Variants in WDFY4 observed in about 807,000 individuals in gnomAD.
WDFY4 encodes the protein WDFY family member 4, also known as WD repeat- and FYVE domain-containing protein 4.
In WDFY4, 169 loss-of-function variants were observed where a neutral mutation model predicts 351.9. The observed-to-expected ratio is 0.48, with a 90% CI of 0.42 to 0.55. The LOEUF (loss-of-function observed/expected upper bound fraction) is 0.55. Ranked by LOEUF, WDFY4 falls within the 20% of genes least tolerant of loss-of-function variation. WDFY4 has a pLI of 0.00. For missense variants in WDFY4, 3,803 were observed against 3,935.6 expected, an observed-to-expected ratio of 0.97 and a Z score of 0.90; for synonymous variants, 1,622 against 1,574.6, an observed-to-expected ratio of 1.03 and a Z score of -0.71.
chr10:48,917,543 T>A (rs1838663708), intron 47 of WDFY4, among the ~76,000 whole-genome samples: 1 of 152,218 alleles, frequency 6.6e-6, no homozygotes, highest in African/African-American at 2.4e-5. Flanking sequence ...TAGGAATGAC[T>A]GCAGGTTTCT....
chr10:48,803,330 C>T lies in WDFY4; in HGVS notation c.4455C>T (p.Ser1485=), dbSNP rs1565216537. 3 of 1,551,896 alleles carry T rather than the reference C, an allele frequency of 1.9e-6. No individual in the cohort carries two copies. The highest frequency in any genetic ancestry group is 2.4e-5 in the East Asian group (1 of 40,926). Residue 1485 remains serine (S), a synonymous_variant, in exon 25 of 62, where the codon TCC becomes TCT. Transcript: ENST00000325239. ...ACAATCTGGAGCTCAGCCTCTTTTC[C>T]CATCTTTTGGAAATCCTTCAATCAC... is the stretch of plus-strand genomic sequence containing the variant. ...TADNLELSLF[S]HLLEILQSPR...
At chr10:48,806,133 G>A (rs1452472427) in intron 27 of WDFY4, 38 bp downstream of exon 27, 1 of 1,544,342 alleles carries the variant, frequency 6.5e-7, no homozygotes, top group Admixed American at 2.0e-5. Flanking sequence ...CAGTAGGACG[G>A]CCCTCACGGA....
At chr10:48,883,712 T>G (rs944035706) in intron 43 of WDFY4, among the ~76,000 whole-genome samples, 7 of 152,160 alleles carry the variant, frequency 4.6e-5, no homozygotes, top group Non-Finnish European at 7.3e-5. Flanking sequence ...TTTTCAGGCA[T>G]CTGGGTGGCA....
intron 47 of WDFY4, among the ~76,000 whole-genome samples, chr10:48,926,557 T>C (rs1034120307): frequency 6.6e-6 from 1 of 152,202 alleles, no homozygotes; most frequent in Non-Finnish European, 1.5e-5. Context: ...TTGGAGGAAC[T>C]GACCACAGGC....
At chr10:48,703,316 A>C (rs879528845) in intron 1 of WDFY4, among the ~76,000 whole-genome samples, 3 of 152,222 alleles carry the variant, frequency 2.0e-5, no homozygotes, top group Non-Finnish European at 4.4e-5. Flanking sequence ...ATTTACGGCC[A>C]TGCATGCGAA....
chr10:48,726,452 G>T (rs1465453771), intron 6 of WDFY4, among the ~76,000 whole-genome samples: 1 of 152,230 alleles, frequency 6.6e-6, no homozygotes, highest in Non-Finnish European at 1.5e-5. Flanking sequence ...ACTAGTAGAA[G>T]AATTTTTCAA....
intron 44 of WDFY4, among the ~76,000 whole-genome samples, chr10:48,893,169 C>T (rs1444801961): frequency 1.3e-5 from 2 of 152,326 alleles, no homozygotes; most frequent in East Asian, 3.9e-4. Context: ...GATTCAGGCA[C>T]CTGGTCATCT....
chr10:48,753,590 A>G (rs2065247109), intron 12 of WDFY4, among the ~76,000 whole-genome samples: 1 of 152,174 alleles, frequency 6.6e-6, no homozygotes, highest in Non-Finnish European at 1.5e-5. Context: ...ATAGCTATTC[A>G]ACTGCTCTGG....
At chr10:48,932,670 G>T (rs563620980) in intron 47 of WDFY4, 1 of 150,210 alleles carries the variant, frequency 6.7e-6, no homozygotes, top group Non-Finnish European at 1.5e-5. Context: ...GGGAGAGAGA[G>T]AGAAAAAAAA....
At chr10:48,942,783 A>T (rs1840846489) in intron 48 of WDFY4, among the ~76,000 whole-genome samples, 1 of 152,208 alleles carries the variant, frequency 6.6e-6, no homozygotes, top group Non-Finnish European at 1.5e-5. Context: ...TTTATTCCCA[A>T]TACGGGCCCT....
chr10:48,718,289 T>C (rs1215000064), intron 2 of WDFY4, among the ~76,000 whole-genome samples: 2 of 152,220 alleles, frequency 1.3e-5, no homozygotes, highest in African/African-American at 4.8e-5. Flanking sequence ...GTGAATATTT[T>C]CTCCCAATTT....
chr10:48,843,678 G>C lies in WDFY4; in HGVS notation c.6663+10969G>C, dbSNP rs145646818. Reference sequence around the variant, plus strand: ...GGTTGAATCCTTTTGAAAATCGAATGTAGTTCTTTAAAGGATACTTACATG... The same window carrying C: ...GGTTGAATCCTTTTGAAAATCGAATCTAGTTCTTTAAAGGATACTTACATG... On this transcript the variant is annotated intron_variant, in intron 39 of 61. Transcript: ENST00000325239. 1.3e-4 allele frequency among the ~76,000 whole-genome samples: 20 copies of C among 152,312 alleles called. No homozygotes were observed. The East Asian group carries it at 3.9e-3, about 29-fold the overall frequency.
intron 7 of WDFY4, among the ~76,000 whole-genome samples, chr10:48,728,339 G>A (rs770801670): frequency 5.9e-5 from 9 of 152,212 alleles, no homozygotes; most frequent in Admixed American, 5.2e-4. Context: ...CTGCCTTCCT[G>A]TATCATCTTC....
chr10:48,717,260 A>G (rs1219656621), intron 2 of WDFY4, among the ~76,000 whole-genome samples: 1 of 152,146 alleles, frequency 6.6e-6, no homozygotes, highest in Non-Finnish European at 1.5e-5. Context: ...TTCACTTATC[A>G]AGTATGTGTT....
intron 47 of WDFY4, among the ~76,000 whole-genome samples, chr10:48,927,327 C>T (rs540042666): frequency 1.8e-4 from 28 of 152,222 alleles, no homozygotes; most frequent in African/African-American, 6.0e-4. Flanking sequence ...TTCAGTCATC[C>T]GCAACACTCT....
chr10:48,798,596 C>T (rs2066952176), intron 24 of WDFY4, among the ~76,000 whole-genome samples: 2 of 152,120 alleles, frequency 1.3e-5, no homozygotes, highest in Non-Finnish European at 2.9e-5. Context: ...AATAAAAAAC[C>T]CCAATGATCC....
intron 25 of WDFY4, among the ~76,000 whole-genome samples, chr10:48,805,008 A>G (rs2067205164): frequency 6.6e-6 from 1 of 151,964 alleles, no homozygotes; most frequent in Admixed American, 6.6e-5. Flanking sequence ...TTAAAAGTCA[A>G]TAATTGGGGT....
chr10:48,785,802 T>A (rs2066386839), intron 19 of WDFY4, among the ~76,000 whole-genome samples: 1 of 152,240 alleles, frequency 6.6e-6, no homozygotes, highest in Admixed American at 6.5e-5. Context: ...CAGAGTTGTT[T>A]AAACTATTCT....
rs769270314 is a variant in WDFY4, at chr10:48,822,489, G to A, written c.5934G>A (p.Ser1978=). 50 of 1,550,268 alleles carry A rather than the reference G, an allele frequency of 3.2e-5. 1 individual carries two copies. The highest frequency in any genetic ancestry group is 2.7e-4 in the African/African-American group (20 of 73,152). ...AGAAGCTGTACAGTGGGATGTTCTC[G>A]GCAGACCCCAGGCATATCCTCCTCT... ...LVEKLYSGMF[S]ADPRHILLFI... Residue 1978 remains serine, a synonymous_variant, in exon 35 of 62, where the codon TCG becomes TCA. Transcript: ENST00000325239.
Sources: allele counts gnomAD v4.1 joint callset (sites outside exome capture counted in the v4.1 genomes callset), GRCh38; gene constraint gnomAD v4.1.1; transcripts MANE v1.5; gene names NCBI Gene and HGNC (gene_info 2026-07-23, HGNC 2026-07-21).